FAF1: variants seen among roughly 807,000 people sequenced by gnomAD.
FAF1 encodes FAS-associated factor 1.
Under a neutral mutation model 92.5 loss-of-function variants are expected in FAF1, and 25 were observed. The ratio of observed to expected loss-of-function variants is 0.27; its 90% confidence interval spans 0.20 to 0.38. The LOEUF (loss-of-function observed/expected upper bound fraction) is 0.38, where lower values mean the gene tolerates loss of function less well. Ranked by LOEUF, FAF1 falls within the 10% of genes least tolerant of loss-of-function variation. FAF1 has a pLI of 1.00. For synonymous variants in FAF1, 234 were observed against 273.2 expected, an observed-to-expected ratio of 0.86 and a Z score of 1.42; for missense variants, 636 against 793.3, an observed-to-expected ratio of 0.80 and a Z score of 2.38.
intron 4 of FAF1, chr1:50,781,048 T>C: frequency 2.3e-6 from 1 of 434,548 alleles, no homozygotes. Context: ...GATTGAACTG[T>C]GCAAGATGGA....
chr1:50,915,370 CAAA>C (rs1157402147), intron 1 of FAF1, among the ~76,000 whole-genome samples: 9 of 71,654 alleles, frequency 1.3e-4, no homozygotes, highest in Non-Finnish European at 1.2e-4. Context: ...AACTCCATCT[CAAA>C]AAAAAAAAAA....
At chr1:50,940,467 C>T (rs1443851500) in intron 1 of FAF1, among the ~76,000 whole-genome samples, 2 of 152,116 alleles carry the variant, frequency 1.3e-5, no homozygotes, top group East Asian at 3.8e-4. Flanking sequence ...CTCAATATGT[C>T]GTCTAAGCTG....
intron 7 of FAF1, among the ~76,000 whole-genome samples, chr1:50,657,524 T>C (rs1655179357): frequency 6.6e-6 from 1 of 152,072 alleles, no homozygotes; most frequent in African/African-American, 2.4e-5. Context: ...ACTGTGCCAC[T>C]GAACTCTGGG....
intron 18 of FAF1, among the ~76,000 whole-genome samples, chr1:50,459,919 A>G (rs1646404218): frequency 6.6e-6 from 1 of 152,236 alleles, no homozygotes; most frequent in Non-Finnish European, 1.5e-5. Context: ...AATACCTACC[A>G]ACAAACTAGC....
At chr1:50,485,698 C>CCA in intron 17 of FAF1, among the ~76,000 whole-genome samples, 2 of 115,894 alleles carry the variant, frequency 1.7e-5, no homozygotes, top group East Asian at 4.8e-4. Context: ...AAAAAAAAAC[C>CCA]AAAAAAACAA....
intron 8 of FAF1, among the ~76,000 whole-genome samples, chr1:50,611,287 T>A (rs964277789): frequency 3.9e-5 from 6 of 152,218 alleles, no homozygotes; most frequent in Non-Finnish European, 8.8e-5. Context: ...TAATATTTGC[T>A]TTTTTCCACT....
At chr1:50,775,034 G>A (rs1176856551) in intron 4 of FAF1, among the ~76,000 whole-genome samples, 2 of 152,000 alleles carry the variant, frequency 1.3e-5, no homozygotes, top group African/African-American at 4.8e-5. Context: ...TGGTAATAAC[G>A]TGGAAAAGGT....
At chr1:50,741,687 G>A (rs1659394325) in intron 5 of FAF1, among the ~76,000 whole-genome samples, 1 of 152,192 alleles carries the variant, frequency 6.6e-6, no homozygotes, top group African/African-American at 2.4e-5. Flanking sequence ...ACATTTTAAA[G>A]ATCGAATCTA....
At chr1:50,812,942 G>A (rs1005768093) in intron 2 of FAF1, among the ~76,000 whole-genome samples, 1 of 152,140 alleles carries the variant, frequency 6.6e-6, no homozygotes, top group Admixed American at 6.6e-5. Context: ...GGTGCTGGAG[G>A]CCATTATCCC....
rs75019420 is a variant in FAF1, at chr1:50,475,401, C to T, written c.1869+63G>A. ...GGGACTTTTCTTGAACTACTTTGTTCAGCTTTAATGATGGCACATCTCCCA... is the reference window on the plus strand; with the variant it reads ...GGGACTTTTCTTGAACTACTTTGTTTAGCTTTAATGATGGCACATCTCCCA... On this transcript the variant is annotated intron_variant, in intron 18 of 18. Transcript: ENST00000396153. 4,271 of 1,325,480 alleles carry T rather than the reference C, an allele frequency of 3.2e-3. 6 individuals carry two copies. Among genetic ancestry groups the T allele is most frequent in the Non-Finnish European group, 4.0e-3 (3,773 of 938,770 alleles). The allele number at this position is 1,325,480 out of a possible 1,614,324, so 82.1% of individuals were successfully genotyped here.
intron 3 of FAF1, among the ~76,000 whole-genome samples, chr1:50,788,596 T>G (rs1037330609): frequency 6.6e-6 from 1 of 152,172 alleles, no homozygotes; most frequent in Non-Finnish European, 1.5e-5. Flanking sequence ...ACGGATTATT[T>G]TGAAACTTTA....
chr1:50,906,300 A>G (rs975115787), intron 1 of FAF1, among the ~76,000 whole-genome samples: 1 of 152,202 alleles, frequency 6.6e-6, no homozygotes, highest in Non-Finnish European at 1.5e-5. Context: ...TATAGTTTGA[A>G]GTCAGGTAAC....
chr1:50,891,202 C>T (rs1479132569), intron 1 of FAF1, among the ~76,000 whole-genome samples: 1 of 152,174 alleles, frequency 6.6e-6, no homozygotes, highest in Non-Finnish European at 1.5e-5. Flanking sequence ...CCACGGTTTT[C>T]AGTTCCATCA....
chr1:50,677,185 A>C (rs1226757122), intron 7 of FAF1, among the ~76,000 whole-genome samples: 3 of 152,220 alleles, frequency 2.0e-5, no homozygotes, highest in African/African-American at 7.2e-5. Context: ...AAATTAAAAC[A>C]AGGTATCATT....
intron 6 of FAF1, among the ~76,000 whole-genome samples, chr1:50,733,367 T>C (rs1024468321): frequency 1.3e-5 from 2 of 152,256 alleles, no homozygotes; most frequent in African/African-American, 4.8e-5. Context: ...TTTCCTACTG[T>C]CTCTAAACCT....
At chr1:50,834,624 C>T (rs1644184155) in intron 2 of FAF1, among the ~76,000 whole-genome samples, 1 of 152,204 alleles carries the variant, frequency 6.6e-6, no homozygotes, top group African/African-American at 2.4e-5. Context: ...TATTCCAATA[C>T]TCAGGATGAA....
At chr1:50,889,547 A>G (rs1480741052) in intron 1 of FAF1, among the ~76,000 whole-genome samples, 1 of 152,116 alleles carries the variant, frequency 6.6e-6, no homozygotes, top group Non-Finnish European at 1.5e-5. Context: ...TGTGTCCCAG[A>G]GGTTCTGGTA....
At chr1:50,950,904 G>A (rs374021590) in intron 1 of FAF1, among the ~76,000 whole-genome samples, 1 of 152,272 alleles carries the variant, frequency 6.6e-6, no homozygotes, top group Non-Finnish European at 1.5e-5. Context: ...CAAATTAGCT[G>A]GAAAATGAAC....
chr1:50,691,892 T>C (rs1411437737), intron 7 of FAF1, among the ~76,000 whole-genome samples: 4 of 152,218 alleles, frequency 2.6e-5, no homozygotes, highest in African/African-American at 7.2e-5. Flanking sequence ...TTTTGATATA[T>C]GTATACACTA....
Sources: gnomAD v4.1 joint callset for allele counts (sites outside exome capture counted in the v4.1 genomes callset) on GRCh38, gnomAD v4.1.1 for gene constraint, MANE v1.5 for transcripts, NCBI Gene and HGNC (gene_info 2026-07-23, HGNC 2026-07-21) for gene names.